Variants in C12orf42 observed in about 807,000 individuals in gnomAD.
C12orf42 encodes uncharacterized protein C12orf42.
C12orf42 carries 25 observed loss-of-function variants against 21.6 expected under a neutral mutation model. The ratio of observed to expected loss-of-function variants is 1.16; its 90% CI spans 0.84 to 1.62. C12orf42 has a LOEUF of 1.62. Among genes scored for constraint, C12orf42 ranks in the 40% most tolerant of loss-of-function variants. The pLI, the probability that C12orf42 is intolerant of heterozygous loss-of-function variation, is 0.00. For missense variants in C12orf42, 483 were observed against 459.3 expected (o/e 1.05, Z -0.47); for synonymous variants, 174 against 175.0 (o/e 0.99, Z 0.05).
In C12orf42 at chr12:103,423,837, C is replaced by T. The variant is rs149913468; in HGVS notation, c.79-22162G>A. ...ACATTCCAAATGAAGCCAAAGCTCT[C>T]GGCATCCCCTGTAAAGATAACAAGT... On this transcript the variant is annotated intron_variant, in intron 2 of 5. Coordinates refer to ENST00000548883, the MANE Select transcript of C12orf42 (RefSeq NM_198521.5). 3.6e-4 allele frequency among the ~76,000 whole-genome samples: 55 copies of T among 152,282 alleles called. No individual in the cohort carries two copies. In the East Asian group the frequency reaches 6.0e-3, roughly 17 times the overall value.
chr12:103,159,406 T>C, the C12orf42 span: 5 of 152,204 alleles, frequency 3.3e-5, no homozygotes, highest in African/African-American at 7.2e-5. Context: ...AGACGTTCTA[T>C]GTATTGGATT....
intron 4 of C12orf42, among the ~76,000 whole-genome samples, chr12:103,366,099 C>A (rs2044576337): frequency 6.6e-6 from 1 of 152,098 alleles, no homozygotes; most frequent in South Asian, 2.1e-4. Context: ...CAGCATGGTA[C>A]TAATATAAAA....
chr12:103,149,271 C>A, the C12orf42 span, among the ~76,000 whole-genome samples: 1 of 152,140 alleles, frequency 6.6e-6, no homozygotes, highest in Non-Finnish European at 1.5e-5. Flanking sequence ...TGTGGTGATT[C>A]TTAAACTGTG....
the C12orf42 span, among the ~76,000 whole-genome samples, chr12:103,232,585 C>G: frequency 6.6e-6 from 1 of 151,914 alleles, no homozygotes; most frequent in African/African-American, 2.4e-5. Context: ...GTGGCAGGCG[C>G]CTGTAGTCCC....
chr12:103,124,500 T>G, the C12orf42 span, among the ~76,000 whole-genome samples: 476 of 152,284 alleles, frequency 3.1e-3, 7 homozygotes, highest in Admixed American at 0.027. Context: ...GTTCACATGA[T>G]AAGCTGGTTT....
the C12orf42 span, among the ~76,000 whole-genome samples, chr12:103,527,127 C>G: frequency 6.6e-6 from 1 of 151,880 alleles, no homozygotes; most frequent in Non-Finnish European, 1.5e-5. Context: ...ATTTGGGCAA[C>G]GAGATGGGAA....
the C12orf42 span, among the ~76,000 whole-genome samples, chr12:103,071,493 G>C: frequency 6.6e-6 from 1 of 152,118 alleles, no homozygotes; most frequent in Non-Finnish European, 1.5e-5. Context: ...TGATTCGGCT[G>C]TGTTCCCATC....
At chr12:103,165,071 G>A in the C12orf42 span, among the ~76,000 whole-genome samples, 1 of 152,200 alleles carries the variant, frequency 6.6e-6, no homozygotes, top group African/African-American at 2.4e-5. Context: ...ACCGTTTGCT[G>A]ACTAGAGGTC....
the C12orf42 span, among the ~76,000 whole-genome samples, chr12:103,087,960 C>T: frequency 3.9e-5 from 6 of 152,212 alleles, no homozygotes; most frequent in Admixed American, 1.3e-4. Context: ...ACTAAATATA[C>T]GTTTTGCAGT....
the C12orf42 span, among the ~76,000 whole-genome samples, chr12:103,107,206 C>T: frequency 6.6e-6 from 1 of 152,000 alleles, no homozygotes; most frequent in Admixed American, 6.5e-5. Flanking sequence ...AGTAAGCCAG[C>T]TAAGCAGAAA....
chr12:103,216,480 C>T, the C12orf42 span, among the ~76,000 whole-genome samples: 2 of 151,714 alleles, frequency 1.3e-5, no homozygotes, highest in African/African-American at 4.8e-5. Context: ...ACGCCATTCT[C>T]CTGCCTCAGC....
At chr12:103,527,730 A>G in the C12orf42 span, among the ~76,000 whole-genome samples, 1 of 152,174 alleles carries the variant, frequency 6.6e-6, no homozygotes, top group Admixed American at 6.5e-5. Flanking sequence ...CAGAACCTGA[A>G]CCACCCATGG....
chr12:103,321,565 C>T (rs1367952000), intron 4 of C12orf42, among the ~76,000 whole-genome samples: 5 of 143,120 alleles, frequency 3.5e-5, no homozygotes, highest in Non-Finnish European at 7.7e-5. Context: ...CACATGCACA[C>T]GTATGTTTAT....
intron 2 of C12orf42, among the ~76,000 whole-genome samples, chr12:103,455,931 T>C (rs1257395165): frequency 6.6e-6 from 1 of 152,076 alleles, no homozygotes; most frequent in Admixed American, 6.6e-5. Context: ...CCAATTACTC[T>C]ATCTCCTGCT....
the C12orf42 span, among the ~76,000 whole-genome samples, chr12:103,193,170 T>A: frequency 1.3e-5 from 2 of 151,398 alleles, no homozygotes. Flanking sequence ...ATTTAAAAAA[T>A]TAGAAAATAT....
chr12:103,415,081 T>A (rs1179220189), intron 2 of C12orf42, among the ~76,000 whole-genome samples: 1 of 151,020 alleles, frequency 6.6e-6, no homozygotes, highest in Admixed American at 6.6e-5. Context: ...AGATCTACCA[T>A]GAAAACAGAA....
chr12:103,378,314 T>A (rs2045882550), intron 3 of C12orf42, among the ~76,000 whole-genome samples: 1 of 152,184 alleles, frequency 6.6e-6, no homozygotes, highest in African/African-American at 2.4e-5. Flanking sequence ...TTTGGATGAT[T>A]TTTTTTGTCC....
the C12orf42 span, among the ~76,000 whole-genome samples, chr12:103,079,710 C>T: frequency 6.6e-6 from 1 of 152,182 alleles, no homozygotes; most frequent in Non-Finnish European, 1.5e-5. Flanking sequence ...GGAAGCTTTG[C>T]TTATCATAGT....
At chr12:103,470,757 T>G (rs1449719864) in intron 2 of C12orf42, among the ~76,000 whole-genome samples, 1 of 152,204 alleles carries the variant, frequency 6.6e-6, no homozygotes, top group African/African-American at 2.4e-5. Context: ...GAGGCCATTA[T>G]GAGGAAGTTC....
Sources: gnomAD v4.1 joint callset for allele counts (sites outside exome capture counted in the v4.1 genomes callset) on GRCh38, gnomAD v4.1.1 for gene constraint, MANE v1.5 for transcripts, NCBI Gene and HGNC (gene_info 2026-07-23, HGNC 2026-07-21) for gene names.